Variants in ZBTB43 observed in about 807,000 individuals in gnomAD.
ZBTB43 encodes the protein zinc finger and BTB domain containing 43.
A neutral mutation model predicts 31.1 loss-of-function variants in ZBTB43; 6 were observed. That is an observed-to-expected ratio of 0.19 (90% CI 0.11 to 0.38). The LOEUF (loss-of-function observed/expected upper bound fraction) is 0.38, where lower values mean the gene tolerates loss of function less well. ZBTB43 is among the 10% of genes least tolerant of loss of function. ZBTB43 has a pLI of 1.00. For missense variants in ZBTB43, 379 were observed against 602.1 expected, an observed-to-expected ratio of 0.63 and a Z score of 3.88; for synonymous variants, 212 against 221.7, an observed-to-expected ratio of 0.96 and a Z score of 0.39.
chr9:126,815,262 A>G (rs1216165978), intron 2 of ZBTB43, among the ~76,000 whole-genome samples: 1 of 130,966 alleles, frequency 7.6e-6, no homozygotes, highest in Non-Finnish European at 1.6e-5. Context: ...ATAGTTTTCA[A>G]TATATAAAAC....
chr9:126,809,867 G>A (rs200095723), intron 2 of ZBTB43, among the ~76,000 whole-genome samples: 3 of 149,786 alleles, frequency 2.0e-5, no homozygotes, highest in Non-Finnish European at 4.4e-5. Flanking sequence ...ACAGAGTCTC[G>A]CTTTGTCGCC....
intron 2 of ZBTB43, among the ~76,000 whole-genome samples, chr9:126,820,347 C>G (rs1258171551): frequency 6.6e-6 from 1 of 152,114 alleles, no homozygotes; most frequent in African/African-American, 2.4e-5. Flanking sequence ...GAGGCCACTG[C>G]TCAGGTACCA....
intron 2 of ZBTB43, among the ~76,000 whole-genome samples, chr9:126,828,642 A>ATTATTATTATT (rs1554742714): frequency 1.1e-3 from 135 of 126,570 alleles, no homozygotes; most frequent in African/African-American, 5.2e-3. Context: ...TAATAATAAT[A>ATTATTATTATT]ATAATAATAA....
chr9:126,812,665 G>C (rs2032275442), intron 2 of ZBTB43, among the ~76,000 whole-genome samples: 1 of 152,218 alleles, frequency 6.6e-6, no homozygotes, highest in Admixed American at 6.5e-5. Flanking sequence ...AATTACTAAT[G>C]ATGTTGAGTG....
chr9:126,828,684 G>A (rs182482466), intron 2 of ZBTB43, among the ~76,000 whole-genome samples: 7 of 136,280 alleles, frequency 5.1e-5, no homozygotes, highest in African/African-American at 2.3e-4. Context: ...TTATTTTGGA[G>A]GTGTGAATGC....
chr9:126,823,936 G>A (rs1432587535), intron 2 of ZBTB43, among the ~76,000 whole-genome samples: 1 of 152,114 alleles, frequency 6.6e-6, no homozygotes, highest in Non-Finnish European at 1.5e-5. Context: ...ATTGTGTAAT[G>A]TGTATTAACA....
chr9:126,835,506 G>C lies in ZBTB43; in HGVS notation c.*1593G>C, dbSNP rs144478652. 6.0e-6 allele frequency: 1 copy of C among 166,964 alleles called. No individual in the cohort carries two copies. Among genetic ancestry groups the C allele is most frequent in the Non-Finnish European group, 1.5e-5 (1 of 68,102 alleles). 10.3% of individuals were successfully genotyped at this position (166,964 alleles called of 1,614,324 possible). A position where few individuals can be genotyped will look rare whatever the true frequency, so the allele number is the denominator to read the frequency against. Reference sequence around the variant, plus strand: ...TTTATTTGAAAAGTTTGGCTTTGCTGTAATGTAATAGACATTGCTGGCAAT... The same window carrying C: ...TTTATTTGAAAAGTTTGGCTTTGCTCTAATGTAATAGACATTGCTGGCAAT... On this transcript the variant is annotated 3_prime_UTR_variant, in exon 3 of 3. Coordinates refer to ENST00000373464, the MANE Select transcript of ZBTB43 (RefSeq NM_014007.4).
chr9:126,805,408 C>G (rs563150556), intron 1 of ZBTB43, among the ~76,000 whole-genome samples: 29 of 152,340 alleles, frequency 1.9e-4, no homozygotes, highest in African/African-American at 6.7e-4. Flanking sequence ...GGAGCTCCGC[C>G]GGCCACAGCG....
Position 126,832,611 on chromosome 9 carries a change from C to T in ZBTB43, c.102C>T (p.Asp34=), listed in dbSNP as rs371516295. 526 of 1,614,152 alleles carry T rather than the reference C, an allele frequency of 3.3e-4. 1 individual carries two copies. Among genetic ancestry groups the T allele is most frequent in the Non-Finnish European group, 4.2e-4 (495 of 1,180,040 alleles). Residue 34 remains aspartate (D), a synonymous_variant, in exon 3 of 3, where the codon GAC becomes GAT. Coordinates refer to ENST00000373464, the MANE Select transcript of ZBTB43 (RefSeq NM_014007.4). ...NQQRQQGQLC[D]VSIVVQGHIF... is the part of the protein sequence containing the mutation. ...AGCGCCAGCAAGGACAATTATGTGA[C>T]GTCTCCATTGTTGTCCAAGGCCACA...
Position 126,833,544 on chromosome 9 carries a change from A to G in ZBTB43, c.1035A>G (p.Ala345=), listed in dbSNP as rs562436860. 1.9e-6 allele frequency: 3 copies of G among 1,614,188 alleles called. No individual in the cohort carries two copies. Among genetic ancestry groups the G allele is most frequent in the South Asian group, 1.1e-5 (1 of 91,082 alleles). The part of the protein sequence containing the change: ...IGHRQEAALA[A]GYSENIEMVT... ...ACAGACAGGAGGCTGCCCTCGCAGC[A>G]GGTTACAGTGAGAATATTGAAATGG... is the stretch of plus-strand genomic sequence containing the variant. The change falls in exon 3 of 3, where the codon GCA becomes GCG. Residue 345 remains alanine, a synonymous_variant. Coordinates refer to ENST00000373464, the MANE Select transcript of ZBTB43 (RefSeq NM_014007.4). The surrounding 1 kb of genome is among the most constrained non-coding windows in gnomAD (Gnocchi z 7.9).
intron 2 of ZBTB43, among the ~76,000 whole-genome samples, chr9:126,813,539 G>C (rs2032296418): frequency 6.6e-6 from 1 of 152,086 alleles, no homozygotes; most frequent in Non-Finnish European, 1.5e-5. Context: ...GGTTAGTCTT[G>C]AGTGAAAGAG....
intron 2 of ZBTB43, chr9:126,831,622 G>A (rs1051106520): frequency 1.3e-5 from 2 of 152,034 alleles, no homozygotes; most frequent in African/African-American, 4.8e-5. Flanking sequence ...CAAAAAGTGA[G>A]ACCCCTGTCT....
intron 2 of ZBTB43, chr9:126,832,156 G>A: frequency 4.8e-6 from 1 of 207,118 alleles, no homozygotes. Flanking sequence ...TATTTGAATG[G>A]GTATCTTGTT....
At chr9:126,825,694 C>T (rs1385310282) in intron 2 of ZBTB43, among the ~76,000 whole-genome samples, 2 of 152,078 alleles carry the variant, frequency 1.3e-5, no homozygotes, top group Non-Finnish European at 2.9e-5. Context: ...CTCCTAAAGG[C>T]TCTACTTGTA....
intron 2 of ZBTB43, among the ~76,000 whole-genome samples, chr9:126,830,747 T>C (rs1480019562): frequency 3.3e-5 from 5 of 152,170 alleles, no homozygotes; most frequent in African/African-American, 1.2e-4. Context: ...GGTTTTTTTT[T>C]TTTTGCTTTA....
intron 2 of ZBTB43, among the ~76,000 whole-genome samples, chr9:126,810,399 G>A (rs2119109729): frequency 6.6e-6 from 1 of 151,226 alleles, no homozygotes; most frequent in South Asian, 2.1e-4. Flanking sequence ...TCGCCTTCTT[G>A]GCCAGGCCAG....
intron 2 of ZBTB43, among the ~76,000 whole-genome samples, chr9:126,828,629 A>AAAT (rs369536989): frequency 1.3e-3 from 183 of 141,076 alleles, no homozygotes; most frequent in Middle Eastern, 7.3e-3. Flanking sequence ...CCCCATCTCT[A>AAAT]AATAATAATA....
At chr9:126,805,264 C>G (rs1023134556) in intron 1 of ZBTB43, 132 bp downstream of exon 1, 42 of 152,492 alleles carry the variant, frequency 2.8e-4, no homozygotes, top group African/African-American at 9.4e-4. Flanking sequence ...ACCGGCATAC[C>G]AAAGCCCCGC....
chr9:126,817,901 A>G (rs78116220), intron 2 of ZBTB43, among the ~76,000 whole-genome samples: 2,116 of 152,238 alleles, frequency 0.014, 54 homozygotes, highest in African/African-American at 0.048. Flanking sequence ...ACCTGTAGAA[A>G]TTTAGCATGT....
Sources: allele counts gnomAD v4.1 joint callset (sites outside exome capture counted in the v4.1 genomes callset), GRCh38; gene constraint gnomAD v4.1.1; non-coding constraint Gnocchi (gnomAD v3.1); transcripts MANE v1.5; gene names NCBI Gene and HGNC (gene_info 2026-07-23, HGNC 2026-07-21).